RARB: variants seen among roughly 807,000 people sequenced by gnomAD.
RARB encodes retinoic acid receptor beta, also known as HBV-activated protein.
RARB carries 17 observed loss-of-function variants against 51.9 expected under a neutral mutation model. That is an observed-to-expected ratio of 0.33 (90% CI 0.22 to 0.49). RARB has a LOEUF of 0.49. Ranked by LOEUF, RARB falls within the 20% of genes least tolerant of loss-of-function variation. The pLI is 0.99. For missense variants in RARB, 369 were observed against 550.8 expected, an observed-to-expected ratio of 0.67 and a Z score of 3.30; for synonymous variants, 215 against 195.4, an observed-to-expected ratio of 1.10 and a Z score of -0.84.
At chr3:25,526,165 A>G (rs1272427227) in intron 3 of RARB, among the ~76,000 whole-genome samples, 2 of 152,214 alleles carry the variant, frequency 1.3e-5, no homozygotes, top group African/African-American at 4.8e-5. Context: ...CATTCCAGGT[A>G]GGAGAGCAAA....
chr3:25,501,906 G>A (rs558055690), intron 3 of RARB, among the ~76,000 whole-genome samples: 1 of 152,240 alleles, frequency 6.6e-6, no homozygotes, highest in South Asian at 2.1e-4. Context: ...ATTGGCTACT[G>A]GTCCATAAAT....
At chr3:25,071,867 C>A (rs6798255) in intron 3 of RARB, among the ~76,000 whole-genome samples, 31,492 of 152,056 alleles carry the variant, frequency 0.21, 4,390 homozygotes, top group African/African-American at 0.39. Context: ...TAATGTGCTA[C>A]TACTTGGGGT....
chr3:25,415,648 T>A (rs1253656284), intron 5 of RARB, among the ~76,000 whole-genome samples: 1 of 152,214 alleles, frequency 6.6e-6, no homozygotes, highest in Non-Finnish European at 1.5e-5. Context: ...GTTTTAATGA[T>A]GTCTTCTAAT....
At chr3:25,017,844 C>A (rs1697549272) in intron 2 of RARB, among the ~76,000 whole-genome samples, 1 of 152,114 alleles carries the variant, frequency 6.6e-6, no homozygotes, top group Admixed American at 6.6e-5. Flanking sequence ...AGCTAATCCC[C>A]AGTGTGATGG....
intron 5 of RARB, among the ~76,000 whole-genome samples, chr3:25,178,116 T>G (rs551566375): frequency 1.3e-5 from 2 of 152,114 alleles, no homozygotes; most frequent in Admixed American, 1.3e-4. Context: ...TCACAATTCG[T>G]AGGGGAAGAT....
At chr3:25,315,909 G>A (rs567017132) in intron 5 of RARB, among the ~76,000 whole-genome samples, 2 of 152,008 alleles carry the variant, frequency 1.3e-5, no homozygotes, top group Middle Eastern at 3.4e-3. Flanking sequence ...ATGAACCACC[G>A]CACCTGACCT....
chr3:25,255,731 C>T (rs1047646723), intron 5 of RARB, among the ~76,000 whole-genome samples: 3 of 152,042 alleles, frequency 2.0e-5, no homozygotes, highest in African/African-American at 4.8e-5. Flanking sequence ...ACCTTTTAGT[C>T]GAGTTGCTCA....
chr3:25,459,541 T>C (rs1695069455), intron 1 of RARB, among the ~76,000 whole-genome samples: 1 of 152,186 alleles, frequency 6.6e-6, no homozygotes, highest in African/African-American at 2.4e-5. Context: ...CTTGACTGCT[T>C]GTTTGAAGAA....
At chr3:25,159,180 T>C (rs1251649503) in intron 4 of RARB, among the ~76,000 whole-genome samples, 3 of 111,314 alleles carry the variant, frequency 2.7e-5, no homozygotes, top group Non-Finnish European at 5.4e-5. Context: ...TTTTTTTTTT[T>C]GAGATGGAGT....
chr3:24,953,397 G>C (rs1695940795), intron 2 of RARB, among the ~76,000 whole-genome samples: 1 of 152,134 alleles, frequency 6.6e-6, no homozygotes. Flanking sequence ...AAACATCTTG[G>C]TTAGAATTGC....
At chr3:25,099,459 A>G (rs2125320429) in intron 3 of RARB, among the ~76,000 whole-genome samples, 1 of 152,286 alleles carries the variant, frequency 6.6e-6, no homozygotes. Context: ...GAAAAGAACA[A>G]CTTACCGGGG....
In RARB at chr3:25,201,208, C is replaced by T. The variant is rs997922905; in HGVS notation, c.178+26633C>T. Among the ~76,000 whole-genome samples, 3 of 152,040 alleles carry T rather than the reference C, an allele frequency of 2.0e-5. No homozygotes were observed. The South Asian group carries it at 6.2e-4, about 32-fold the overall frequency. The stretch of plus-strand genomic sequence containing the variant: ...TTTGAAGCAATTGTGAATGGGAGTT[C>T]ACTCGTGATTTGGCTCTCTGTTTTT... On this transcript the variant is annotated intron_variant, in intron 5 of 11. Transcript: ENST00000383772.
chr3:25,571,446 C>T (rs566876216), intron 4 of RARB, among the ~76,000 whole-genome samples: 2 of 152,316 alleles, frequency 1.3e-5, no homozygotes, highest in East Asian at 3.9e-4. Context: ...GTCCACCTCG[C>T]CCATTGGTGT....
In RARB at chr3:25,486,916, C is replaced by G. The variant is rs796124962; in HGVS notation, c.307-14266C>G. On this transcript the variant is annotated intron_variant, in intron 2 of 7. Coordinates refer to ENST00000330688, the MANE Select transcript of RARB (RefSeq NM_000965.5). Reference sequence around the variant, plus strand: ...ATTATCTAAGTATATTCTTCTTACTCTAAATATTTTTCTTAGATTAGGACA... The same window carrying G: ...ATTATCTAAGTATATTCTTCTTACTGTAAATATTTTTCTTAGATTAGGACA... Among the ~76,000 whole-genome samples, 7 of 152,266 alleles carry G rather than the reference C, an allele frequency of 4.6e-5. 1 individual carries two copies. The highest frequency in any genetic ancestry group is 1.7e-4 in the African/African-American group (7 of 41,556).
At position 25,233,240 on chromosome 3, in the gene RARB, C is replaced by G. The variant is rs536059252; in HGVS notation, c.178+58665C>G. On this transcript the variant is annotated intron_variant, in intron 5 of 11. Coordinates refer to the RARB transcript ENST00000383772. The stretch of plus-strand genomic sequence containing the variant: ...CCCAAAAGTGCTAGGATTACAGGTG[C>G]GAGCCACAGCACCCAGCCATTAAAT... Among the ~76,000 whole-genome samples, 595 of 152,026 alleles carry G rather than the reference C, an allele frequency of 3.9e-3. 7 individuals are homozygous for G. Among genetic ancestry groups the G allele is most frequent in the African/African-American group, 0.013 (554 of 41,504 alleles).
intron 4 of RARB, among the ~76,000 whole-genome samples, chr3:25,157,350 TTGTGTGTGTG>T (rs748559000): frequency 5.5e-5 from 8 of 145,000 alleles, no homozygotes; most frequent in African/African-American, 1.0e-4. Flanking sequence ...GTGTGTGTGT[TTGTGTGTGTG>T]TGTGTGTGTG....
chr3:24,923,794 G>C (rs771916954), intron 2 of RARB, among the ~76,000 whole-genome samples: 6 of 152,162 alleles, frequency 3.9e-5, no homozygotes, highest in Non-Finnish European at 8.8e-5. Context: ...GACTGGTAGA[G>C]CTTGAAGAAA....
At chr3:25,197,132 A>G (rs2125367779) in intron 5 of RARB, among the ~76,000 whole-genome samples, 1 of 152,202 alleles carries the variant, frequency 6.6e-6, no homozygotes, top group Non-Finnish European at 1.5e-5. Context: ...TTAGACATGA[A>G]GTCCTTGCCC....
chr3:24,888,827 A>G (rs987956795), intron 2 of RARB, among the ~76,000 whole-genome samples: 2 of 152,202 alleles, frequency 1.3e-5, no homozygotes, highest in Non-Finnish European at 2.9e-5. Flanking sequence ...AGTCTTCTCC[A>G]TAGGGTTACT....
Sources: gnomAD v4.1 joint callset for allele counts (sites outside exome capture counted in the v4.1 genomes callset) on GRCh38, gnomAD v4.1.1 for gene constraint, MANE v1.5 for transcripts, NCBI Gene and HGNC (gene_info 2026-07-23, HGNC 2026-07-21) for gene names.